KAT5: variants seen among roughly 807,000 people sequenced by gnomAD.
KAT5 encodes lysine acetyltransferase 5, also known as histone acetyltransferase KAT5.
Under a neutral mutation model 68.1 loss-of-function variants are expected in KAT5, and 31 were observed. That is an observed-to-expected ratio of 0.46 (90% CI 0.34 to 0.61). KAT5 has a LOEUF of 0.61. Among genes scored for constraint, KAT5 ranks in the 20% least tolerant of loss-of-function variants. The pLI, the probability that KAT5 is intolerant of heterozygous loss-of-function variation, is 0.01. For synonymous variants in KAT5, 365 were observed against 292.6 expected, an observed-to-expected ratio of 1.25 and a Z score of -2.52; for missense variants, 451 against 725.5, an observed-to-expected ratio of 0.62 and a Z score of 4.35.
intron 10 of KAT5, 131 bp downstream of exon 10, chr11:65,717,113 C>A: frequency 1.4e-6 from 1 of 710,458 alleles, no homozygotes. Flanking sequence ...CCAGAAATAA[C>A]AGTGGCACTC....
At position 65,716,720 on chromosome 11, in the gene KAT5, A is replaced by G. The variant is rs146875234; in HGVS notation, c.1083A>G (p.Thr361=). 276 of 1,613,820 alleles carry G rather than the reference A, an allele frequency of 1.7e-4. No homozygotes were observed. The highest frequency in any genetic ancestry group is 3.0e-4 in the Admixed American group (18 of 60,008). Residue 361 remains threonine, a synonymous_variant, in exon 9 of 13, where the codon ACA becomes ACG. Transcript: ENST00000341318. ...LLAKCFLDHK[T]LYYDTDPFLF... is the part of the protein sequence containing the mutation. ...CCAAGTGTTTCCTTGACCATAAGAC[A>G]CTGTACTATGACACAGACCCTTTCC...
chr11:65,719,132 A>G lies in KAT5; in HGVS notation c.1592A>G (p.Lys531Arg), dbSNP rs1237088194. Reference protein sequence around the residue: ...MLKRLLRIDSKCLHFTPKDWS... With the variant: ...MLKRLLRIDSRCLHFTPKDWS... The stretch of plus-strand genomic sequence containing the variant: ...AAGCGGCTCCTGCGGATCGACTCCA[A>G]GTGTCTGCACTTCACTCCCAAGGAC... The change falls in exon 13 of 13, where the codon AAG becomes AGG. Residue 531 changes from lysine to arginine, a missense_variant. Physicochemically the swap from Lys to Arg is conservative, Grantham distance 26. Around this residue, in one of 4 missense-constraint regions of KAT5, gnomAD observed 210 missense variants for 423.7 expected, o/e 0.50. Coordinates refer to ENST00000341318, the MANE Select transcript of KAT5 (RefSeq NM_182710.3). 5 of 1,614,198 alleles carry G rather than the reference A, an allele frequency of 3.1e-6. No homozygotes were observed. Among genetic ancestry groups the G allele is most frequent in the East Asian group, 2.2e-5 (1 of 44,882 alleles).
Position 65,719,582 on chromosome 11 carries a change from C to CA in KAT5, c.*403dup. On this transcript the variant is annotated 3_prime_UTR_variant, in exon 13 of 13. Coordinates refer to ENST00000341318, the MANE Select transcript of KAT5 (RefSeq NM_182710.3). ...CTTCTCTTACCCCTATTGCCCCCGG[C>CA]AATAAATTGTTTCTATATGCCAGAG... The CA allele has an allele frequency of 1.5e-6, 1 of 664,764 alleles. No individual in the cohort carries two copies. Among genetic ancestry groups the CA allele is most frequent in the East Asian group, 2.7e-5 (1 of 36,814 alleles). The allele number at this position is 664,764 out of a possible 1,614,324, so 41.2% of individuals were successfully genotyped here. A position where few individuals can be genotyped will look rare whatever the true frequency, so the allele number is the denominator to read the frequency against.
At chr11:65,714,768 C>T in intron 7 of KAT5, 25 bp downstream of exon 7, 2 of 1,614,180 alleles carry the variant, frequency 1.2e-6, no homozygotes, top group Non-Finnish European at 1.7e-6. Context: ...GGGAGGCTGC[C>T]TTCCCAGCAC....
intron 6 of KAT5, chr11:65,714,187 C>T (rs547936348): frequency 3.5e-5 from 18 of 511,644 alleles, no homozygotes; most frequent in Non-Finnish European, 4.6e-5. Context: ...TAATCCAGCT[C>T]GGAAAGCTGA....
chr11:65,712,469 C>G, intron 1 of KAT5, 24 bp downstream of exon 1: 1 of 1,578,220 alleles, frequency 6.3e-7, no homozygotes, highest in Non-Finnish European at 8.5e-7. Flanking sequence ...GGGGGCGGGA[C>G]TAAGGAACCT....
chr11:65,714,895 T>C lies in KAT5; in HGVS notation c.1014T>C (p.Asp338=), dbSNP rs756611914. The C allele has an allele frequency of 3.7e-6, 6 of 1,614,040 alleles. No homozygotes were observed. In the Admixed American group the frequency reaches 1.0e-4, roughly 27 times the overall value. ...RKGTISFFEI[D]GRKNKSYSQN... ...GCACCATCTCCTTCTTTGAGATTGA[T>C]GGACGTAAGAACAAGGTTAGTGCTT... is the stretch of plus-strand genomic sequence containing the variant. Residue 338 remains aspartate (D), a synonymous_variant, in exon 8 of 13, where the codon GAT becomes GAC. Transcript: ENST00000341318.
chr11:65,713,295 C>G (rs1212322), intron 3 of KAT5, 53 bp from the exon 4 acceptor site: 10 of 1,578,298 alleles, frequency 6.3e-6, no homozygotes, highest in Non-Finnish European at 6.9e-6. Flanking sequence ...TTCCCCTTCC[C>G]CATCCCACTG....
chr11:65,712,697 T>C (rs924798141), intron 1 of KAT5, 69 bp from the exon 2 acceptor site: 1 of 1,560,328 alleles, frequency 6.4e-7, no homozygotes, highest in Non-Finnish European at 8.8e-7. Flanking sequence ...GGGGTGGAGT[T>C]CAGGTCGTGG....
At chr11:65,718,097 A>G (rs1219356706) in intron 10 of KAT5, 3 of 153,990 alleles carry the variant, frequency 1.9e-5, no homozygotes, top group Non-Finnish European at 4.3e-5. Flanking sequence ...TTCTCCTTGC[A>G]TCCTCACAAC....
rs375524599 is a variant in KAT5, at chr11:65,718,722, G to A, written c.1397G>A (p.Ser466Asn). ...ATCCTGATGGGGCTGAAGTCGGAGA[G>A]CGGGGAGAGGCCACAGATCACCATC... The part of the protein sequence containing the change: ...LEILMGLKSE[S>N]GERPQITINE... Residue 466 changes from serine to asparagine, a missense_variant, in exon 11 of 13, where the codon AGC (serine) becomes AAC (asparagine). Around this residue, in one of 4 missense-constraint regions of KAT5, gnomAD observed 210 missense variants for 423.7 expected, o/e 0.50. Coordinates refer to ENST00000341318, the MANE Select transcript of KAT5 (RefSeq NM_182710.3). The A allele has an allele frequency of 6.2e-7, 1 of 1,614,196 alleles. No individual in the cohort carries two copies. Among genetic ancestry groups the A allele is most frequent in the Non-Finnish European group, 8.5e-7 (1 of 1,180,032 alleles).
intron 6 of KAT5, 125 bp downstream of exon 6, chr11:65,713,973 A>G: frequency 2.3e-6 from 2 of 867,062 alleles, no homozygotes; most frequent in Non-Finnish European, 3.6e-6. Context: ...TGTTGGTGGG[A>G]TTAGGAGACA....
chr11:65,714,965 T>C (rs1857146983), intron 8 of KAT5, 55 bp downstream of exon 8: 1 of 1,487,886 alleles, frequency 6.7e-7, no homozygotes, highest in South Asian at 1.1e-5. Context: ...CAGCTTCTTC[T>C]TGCTCAGGTA....
chr11:65,716,251 A>G, intron 8 of KAT5: 1 of 184,042 alleles, frequency 5.4e-6, no homozygotes, highest in Non-Finnish European at 1.2e-5. Context: ...AGACTGTTAG[A>G]TAGGGAGTCA....
chr11:65,717,470 G>A (rs1857238406), intron 10 of KAT5: 1 of 192,436 alleles, frequency 5.2e-6, no homozygotes, highest in Admixed American at 5.3e-5. Flanking sequence ...AAAGCCAGAA[G>A]GGACTCTGAA....
chr11:65,719,212 G>A lies in KAT5; in HGVS notation c.*31G>A, dbSNP rs1256044359. ...CACTGCCCACTGCAGTGCCAAGACG[G>A]CAGCAGGACTGGGGCTGATAGCCCA... On this transcript the variant is annotated 3_prime_UTR_variant, in exon 13 of 13. Coordinates refer to ENST00000341318, the MANE Select transcript of KAT5 (RefSeq NM_182710.3). 2 of 1,609,338 alleles carry A rather than the reference G, an allele frequency of 1.2e-6. No homozygotes were observed. The highest frequency in any genetic ancestry group is 3.3e-5 in the Admixed American group (2 of 59,778).
rs1857293672 is a variant in KAT5 at position 65,718,756 on chromosome 11, C to T, written c.1424+7C>T. On this transcript the variant is annotated splice_region_variant and intron_variant, in intron 11 of 12. Coordinates refer to ENST00000341318, the MANE Select transcript of KAT5 (RefSeq NM_182710.3). ...GGCCACAGATCACCATCAAGTGAGC[C>T]TGGCGCTGTCTACCTGGGGGTACAT... 1 of 1,614,168 alleles carries T rather than the reference C, an allele frequency of 6.2e-7. No homozygotes were observed. The highest frequency in any genetic ancestry group is 8.5e-7 in the Non-Finnish European group (1 of 1,180,020).
At chr11:65,712,197 G>A (rs1262593511), upstream of KAT5, 4 of 1,366,368 alleles carry the variant, frequency 2.9e-6, no homozygotes, top group East Asian at 3.0e-5. Context: ...TGAGGCCCGG[G>A]CCCACAGGGC....
intron 6 of KAT5, 69 bp from the exon 7 acceptor site, chr11:65,714,425 AG>A: frequency 6.4e-7 from 1 of 1,554,234 alleles, no homozygotes; most frequent in Non-Finnish European, 8.7e-7. Flanking sequence ...AACCTGTCAA[AG>A]GGCTGTGAGC....
Sources: allele counts gnomAD v4.1 joint callset, GRCh38; gene constraint gnomAD v4.1.1; regional missense constraint gnomAD v4.1.1; transcripts MANE v1.5; gene names NCBI Gene and HGNC (gene_info 2026-07-23, HGNC 2026-07-21).